The following AFDN variants were observed in gnomAD, a reference collection of about 807,000 sequenced individuals.
AFDN encodes afadin.
In AFDN, 68 loss-of-function variants were observed where a neutral mutation model predicts 216.6. That is an observed-to-expected ratio of 0.31 (90% CI 0.26 to 0.38). The LOEUF (loss-of-function observed/expected upper bound fraction) is 0.38, where lower values mean the gene tolerates loss of function less well. Among genes scored for constraint, AFDN ranks in the 10% least tolerant of loss-of-function variants. AFDN has a pLI of 1.00. For synonymous variants in AFDN, 868 were observed against 853.7 expected, an observed-to-expected ratio of 1.02 and a Z score of -0.29; for missense variants, 2,136 against 2,342.0, an observed-to-expected ratio of 0.91 and a Z score of 1.82.
At chr6:167,945,550 C>G (rs539895573) in intron 26 of AFDN, among the ~76,000 whole-genome samples, 1 of 152,296 alleles carries the variant, frequency 6.6e-6, no homozygotes, top group South Asian at 2.1e-4. Flanking sequence ...TTGTATACAG[C>G]TAGCAGTGCA....
chr6:167,899,702 G>A (rs779040192), intron 11 of AFDN, among the ~76,000 whole-genome samples: 47 of 152,114 alleles, frequency 3.1e-4, no homozygotes, highest in Non-Finnish European at 4.7e-4. Context: ...GGCTCACTGA[G>A]GTTTGTCCAA....
chr6:167,946,556 ATTTAC>A, intron 26 of AFDN, 146 bp from the exon 27 acceptor site: 1 of 607,094 alleles, frequency 1.6e-6, no homozygotes, highest in Non-Finnish European at 2.7e-6. Context: ...TTCTCAGTAT[ATTTAC>A]TTAAAAGCTG....
intron 2 of AFDN, 35 bp downstream of exon 2, chr6:167,864,781 G>A: frequency 6.3e-7 from 1 of 1,598,708 alleles, no homozygotes; most frequent in Non-Finnish European, 8.6e-7. Context: ...CTAGAGGCAT[G>A]ACCTGACCTG....
intron 23 of AFDN, among the ~76,000 whole-genome samples, chr6:167,933,373 T>A (rs1031146921): frequency 1.6e-4 from 24 of 152,246 alleles, no homozygotes; most frequent in African/African-American, 5.8e-4. Context: ...AAAGACTGTT[T>A]ATTAACATGC....
chr6:167,826,801 C>T (rs969552755), upstream of AFDN: 72 of 149,720 alleles, frequency 4.8e-4, no homozygotes, highest in East Asian at 0.012. Flanking sequence ...TGGAGCGGCC[C>T]GGAGGTGCGG....
intron 27 of AFDN, 113 bp downstream of exon 27, chr6:167,947,014 A>G (rs1795345263): frequency 1.1e-6 from 1 of 929,890 alleles, no homozygotes; most frequent in Non-Finnish European, 1.6e-6. Flanking sequence ...AACATTGGCT[A>G]ACTAGGATAT....
chr6:167,929,874 GAAGA>G (rs1178506295), intron 23 of AFDN, among the ~76,000 whole-genome samples: 4 of 152,146 alleles, frequency 2.6e-5, no homozygotes, highest in South Asian at 2.1e-4. Flanking sequence ...TTGAAAACTG[GAAGA>G]AAGAAAAGGG....
At chr6:167,872,464 A>G (rs1784896777) in intron 4 of AFDN, 87 bp downstream of exon 4, 2 of 1,394,562 alleles carry the variant, frequency 1.4e-6, no homozygotes, top group East Asian at 2.3e-5. Flanking sequence ...TTTCAGATAA[A>G]TTATGGAAAG....
intron 1 of AFDN, among the ~76,000 whole-genome samples, chr6:167,839,533 T>A (rs1198759456): frequency 6.6e-6 from 1 of 152,158 alleles, no homozygotes; most frequent in East Asian, 1.9e-4. Context: ...TAATCTGTGA[T>A]CTCAAGGGAG....
At chr6:167,958,310 G>C (rs968745656) in intron 30 of AFDN, among the ~76,000 whole-genome samples, 6 of 152,262 alleles carry the variant, frequency 3.9e-5, no homozygotes, top group Admixed American at 2.6e-4. Flanking sequence ...AACACTTCTG[G>C]TTCCAAGCAT....
Position 167,969,968 on chromosome 6 carries a change from C to G in AFDN, c.*33C>G. The G allele has an allele frequency of 1.3e-6, 2 of 1,567,430 alleles. No individual in the cohort carries two copies. Among genetic ancestry groups the G allele is most frequent in the South Asian group, 2.4e-5 (2 of 81,788 alleles). On this transcript the variant is annotated 3_prime_UTR_variant, in exon 34 of 34. Transcript: ENST00000683244. ...TGAGGAGAACACTTTGTATTTACCC[C>G]AAAATCTTTTCAGTTGTGGGTTTGT...
chr6:167,943,879 A>G, intron 25 of AFDN, 62 bp from the exon 26 acceptor site: 4 of 1,361,594 alleles, frequency 2.9e-6, no homozygotes, highest in African/African-American at 2.9e-5. Flanking sequence ...AATCACAGCG[A>G]TTCATGACAG....
Position 167,902,390 on chromosome 6 carries a change from G to A in AFDN, c.1650+4G>A, listed in dbSNP as rs1252247028. 1 of 1,606,492 alleles carries A rather than the reference G, an allele frequency of 6.2e-7. No homozygotes were observed. Among genetic ancestry groups the A allele is most frequent in the Non-Finnish European group, 8.5e-7 (1 of 1,173,758 alleles). On this transcript the variant is annotated splice_donor_region_variant and intron_variant, in intron 12 of 33. Transcript: ENST00000683244. ...GACAGCATTACCGACAAGCAAGGTAGGTAATTATGGATTACCTGATAGAAG... is the reference window on the plus strand; with the variant it reads ...GACAGCATTACCGACAAGCAAGGTAAGTAATTATGGATTACCTGATAGAAG...
intron 9 of AFDN, among the ~76,000 whole-genome samples, chr6:167,894,473 A>G (rs1403663371): frequency 1.3e-5 from 2 of 152,180 alleles, no homozygotes; most frequent in Non-Finnish European, 2.9e-5. Context: ...ACGGTTTTAT[A>G]TGTTACTCCC....
At position 167,898,207 on chromosome 6, in the gene AFDN, G is replaced by A; in HGVS notation, c.1320G>A (p.Leu440=). The change falls in exon 11 of 34, where the codon TTG becomes TTA. Residue 440 remains leucine, a splice_region_variant and synonymous_variant. Transcript: ENST00000683244. ...CTTTGGTTTCCTTCGGTTTCCAGTT[G>A]TTTGGCCCAGGAATTCAGCCCCATC... The part of the protein sequence containing the change: ...TEKLDDNSIQ[L]FGPGIQPHHC... 1 of 1,613,104 alleles carries A rather than the reference G, an allele frequency of 6.2e-7. No homozygotes were observed. The highest frequency in any genetic ancestry group is 8.5e-7 in the Non-Finnish European group (1 of 1,179,214).
At chr6:167,922,242 A>G (rs1165673275) in intron 21 of AFDN, among the ~76,000 whole-genome samples, 1 of 152,334 alleles carries the variant, frequency 6.6e-6, no homozygotes, top group Non-Finnish European at 1.5e-5. Flanking sequence ...AAAGCATGTC[A>G]TTTGTCCCTG....
intron 23 of AFDN, 83 bp downstream of exon 23, chr6:167,925,174 G>A: frequency 1.1e-6 from 1 of 947,816 alleles, no homozygotes; most frequent in Non-Finnish European, 1.7e-6. Flanking sequence ...TCGTGTGGGA[G>A]TACTTTACCA....
At chr6:167,967,866 C>G (rs563663999) in intron 32 of AFDN, among the ~76,000 whole-genome samples, 2 of 152,282 alleles carry the variant, frequency 1.3e-5, no homozygotes, top group East Asian at 3.9e-4. Flanking sequence ...CGCGAGCACT[C>G]TGGTAAAGCA....
intron 1 of AFDN, among the ~76,000 whole-genome samples, chr6:167,856,360 C>A (rs755479354): frequency 6.6e-6 from 1 of 151,728 alleles, no homozygotes; most frequent in Admixed American, 6.6e-5. Context: ...CCATAGCAGA[C>A]GTCCAGTGGG....
Sources: allele counts gnomAD v4.1 joint callset (sites outside exome capture counted in the v4.1 genomes callset), GRCh38; gene constraint gnomAD v4.1.1; transcripts MANE v1.5; gene names NCBI Gene and HGNC (gene_info 2026-07-23, HGNC 2026-07-21).